The following CELF2 variants were observed in gnomAD, a reference collection of about 807,000 sequenced individuals.
CELF2 encodes the protein CUGBP Elav-like family member 2.
In CELF2, 8 loss-of-function variants were observed where a neutral mutation model predicts 62.6. The observed-to-expected ratio is 0.13, with a 90% CI of 0.07 to 0.23. CELF2 has a LOEUF of 0.23. Ranked by LOEUF, CELF2 falls within the 10% of genes least tolerant of loss-of-function variation. CELF2 has a pLI of 1.00. For synonymous variants in CELF2, 258 were observed against 250.0 expected (o/e 1.03, Z -0.30); for missense variants, 333 against 671.0 (o/e 0.50, Z 5.56).
At chr10:11,175,596 T>C (rs1269304247) in intron 2 of CELF2, among the ~76,000 whole-genome samples, 1 of 152,110 alleles carries the variant, frequency 6.6e-6, no homozygotes, top group Non-Finnish European at 1.5e-5. Flanking sequence ...AAGGAGATGG[T>C]GGGGCAGCTC....
intron 1 of CELF2, among the ~76,000 whole-genome samples, chr10:10,852,038 T>G (rs2059412574): frequency 6.6e-6 from 1 of 152,250 alleles, no homozygotes; most frequent in South Asian, 2.1e-4. Context: ...AAAACAGTTT[T>G]GTAGTTTCTT....
In CELF2 at chr10:11,328,818, G is replaced by A; in HGVS notation, c.1439-108G>A. 7 of 1,316,738 alleles carry A rather than the reference G, an allele frequency of 5.3e-6. No individual in the cohort carries two copies. The highest frequency in any genetic ancestry group is 2.1e-5 in the Admixed American group (1 of 47,732). 81.6% of individuals were successfully genotyped at this position (1,316,738 alleles called of 1,614,324 possible). ...CGCAGAGCTGTGCTGGGCCCGTGGG[G>A]CTGGCACCTCATGCTGGCTCTTCAG... On this transcript the variant is annotated intron_variant, in intron 12 of 12. Transcript: ENST00000633077. This position sits in a 1 kb window ranked among gnomAD's most constrained non-coding sequence, Gnocchi z 6.4.
At position 11,207,298 on chromosome 10, in the gene CELF2, T is replaced by TA. The variant is rs2060655087; in HGVS notation, c.272-10126dup. On this transcript the variant is annotated intron_variant, in intron 2 of 12. Transcript: ENST00000633077. The surrounding 1 kb of genome is among the most constrained non-coding windows in gnomAD (Gnocchi z 4.1). The stretch of plus-strand genomic sequence containing the variant: ...TCCTCGCAGAAAACAGGGAGCTTGC[T>TA]AGTCTTCACGGGGTCATGGAAATAA... 6.6e-6 allele frequency among the ~76,000 whole-genome samples: 1 copy of TA among 152,196 alleles called. No individual in the cohort carries two copies.
At position 11,217,633 on chromosome 10, in the gene CELF2, C is replaced by T. The variant is rs1314356650; in HGVS notation, c.354+126C>T. 7 of 588,060 alleles carry T rather than the reference C, an allele frequency of 1.2e-5. No homozygotes were observed. The highest frequency in any genetic ancestry group is 2.1e-5 in the Non-Finnish European group (7 of 338,352). 36.4% of individuals were successfully genotyped at this position (588,060 alleles called of 1,614,324 possible). ...TGGTCTTTTGAGGAGTGTGTGCTGACCCCCCAGTTCCCTGCAGCAGCCACA... is the reference window on the plus strand; with the variant it reads ...TGGTCTTTTGAGGAGTGTGTGCTGATCCCCCAGTTCCCTGCAGCAGCCACA... On this transcript the variant is annotated intron_variant, in intron 3 of 12. Coordinates refer to ENST00000633077, the MANE Select transcript of CELF2 (RefSeq NM_001326342.2). The surrounding 1 kb of genome is among the most constrained non-coding windows in gnomAD (Gnocchi z 5.6).
chr10:11,076,026 C>G (rs2183379), intron 1 of CELF2, among the ~76,000 whole-genome samples: 41,525 of 151,710 alleles, frequency 0.27, 6,303 homozygotes, highest in African/African-American at 0.39. Flanking sequence ...ATTAGTTTAA[C>G]TCTCTCTTGA....
At position 11,156,012 on chromosome 10, in the gene CELF2, G is replaced by A. The variant is rs2132918725; in HGVS notation, c.75-9474G>A. ...ATAATCAGCATTTAACAGAAAAGTA[G>A]GTGGAGTTCTGAATGCCGGGCAAGC... On this transcript the variant is annotated intron_variant, in intron 1 of 12. Transcript: ENST00000633077. The surrounding 1 kb of genome is among the most constrained non-coding windows in gnomAD (Gnocchi z 4.3). Among the ~76,000 whole-genome samples, 1 of 152,332 alleles carries A rather than the reference G, an allele frequency of 6.6e-6. No individual in the cohort carries two copies. Among genetic ancestry groups the A allele is most frequent in the South Asian group, 2.1e-4 (1 of 4,828 alleles).
the CELF2 span, among the ~76,000 whole-genome samples, chr10:10,678,695 A>G: frequency 3.9e-5 from 6 of 152,208 alleles, no homozygotes. Context: ...TGATCAATCC[A>G]TTAAAAACTG....
In CELF2 at chr10:11,301,035, G is replaced by A. The variant is rs138881312; in HGVS notation, c.976+12483G>A. ...TTAATATGAGAACATTAATGCATTT[G>A]TTCCTAGAAAGCAAGCCAGTTTCTG... On this transcript the variant is annotated intron_variant, in intron 9 of 12. Coordinates refer to ENST00000633077, the MANE Select transcript of CELF2 (RefSeq NM_001326342.2). Among the ~76,000 whole-genome samples, 9 of 152,282 alleles carry A rather than the reference G, an allele frequency of 5.9e-5. No individual in the cohort carries two copies. The East Asian group carries it at 1.5e-3, about 26-fold the overall frequency.
At chr10:10,669,817 G>A in the CELF2 span, among the ~76,000 whole-genome samples, 1 of 151,852 alleles carries the variant, frequency 6.6e-6, no homozygotes, top group East Asian at 1.9e-4. Flanking sequence ...TTCTTAAAGA[G>A]CTTACACACT....
chr10:10,623,691 CAT>C, the CELF2 span, among the ~76,000 whole-genome samples: 5 of 152,160 alleles, frequency 3.3e-5, no homozygotes, highest in African/African-American at 1.2e-4. Flanking sequence ...AGGGGGAAGA[CAT>C]ACTGAAATAA....
At chr10:10,696,800 T>C in the CELF2 span, among the ~76,000 whole-genome samples, 7 of 151,924 alleles carry the variant, frequency 4.6e-5, no homozygotes, top group African/African-American at 1.7e-4. Flanking sequence ...CTTTGACCCC[T>C]TGCGCTTCCC....
At chr10:10,987,253 ATCT>A (rs2052871295) in intron 2 of CELF2, among the ~76,000 whole-genome samples, 1 of 131,652 alleles carries the variant, frequency 7.6e-6, no homozygotes. Context: ...CTCTCTAGAG[ATCT>A]TTTTTTTTTT....
At chr10:10,912,107 G>A (rs1310908432) in intron 1 of CELF2, among the ~76,000 whole-genome samples, 1 of 152,172 alleles carries the variant, frequency 6.6e-6, no homozygotes, top group East Asian at 1.9e-4. Flanking sequence ...AGAAAGAAAT[G>A]CAGTAGTGCA....
chr10:11,291,258 C>T (rs561276350), intron 9 of CELF2, among the ~76,000 whole-genome samples: 1 of 152,216 alleles, frequency 6.6e-6, no homozygotes, highest in East Asian at 1.9e-4. Context: ...AATTCAATCC[C>T]CCAAACTGTT....
rs556475250 is a variant in CELF2, at chr10:10,971,828, C to A, written c.89+51829C>A. On this transcript the variant is annotated intron_variant, in intron 2 of 13. Coordinates refer to the CELF2 transcript ENST00000636488. The stretch of plus-strand genomic sequence containing the variant: ...TCTCGAGCTCCTGACCTCAGGTGAT[C>A]CACCCACCTCGATCTCCCAAAGTGC... 3.9e-5 allele frequency among the ~76,000 whole-genome samples: 6 copies of A among 152,280 alleles called. No individual in the cohort carries two copies. The South Asian group carries it at 1.2e-3, about 32-fold the overall frequency.
the CELF2 span, among the ~76,000 whole-genome samples, chr10:10,589,168 G>A: frequency 6.6e-6 from 1 of 152,118 alleles, no homozygotes; most frequent in Admixed American, 6.5e-5. Context: ...GGGGCTTCCA[G>A]GTCATAAGTA....
rs549220109 is a variant in CELF2 at position 11,321,259 on chromosome 10, G to T, written c.1167G>T (p.Thr389=). The T allele has an allele frequency of 6.2e-7, 1 of 1,613,906 alleles. No individual in the cohort carries two copies. Among genetic ancestry groups the T allele is most frequent in the Non-Finnish European group, 8.5e-7 (1 of 1,180,020 alleles). Residue 389 remains threonine, a synonymous_variant, in exon 11 of 13, where the codon ACG becomes ACT. Coordinates refer to ENST00000633077, the MANE Select transcript of CELF2 (RefSeq NM_001326342.2). This position sits in a 1 kb window ranked among gnomAD's most constrained non-coding sequence, Gnocchi z 6.2. ...GCGCCACAGGCTTGACGAATGGCACGGCTGGCACCATGGACGCCCTCACCC... is the reference window on the plus strand; with the variant it reads ...GCGCCACAGGCTTGACGAATGGCACTGCTGGCACCATGGACGCCCTCACCC... ...GLGATGLTNG[T]AGTMDALTQA... is the part of the protein sequence containing the mutation.
rs757295393 is a variant in CELF2, at chr10:11,287,747, TAAAAG to T, written c.842-670_842-666del. ...TCAATGGCAATAGCAATAACAAAAA[TAAAAG>T]GTGACATTCATTGAGCTCTTAACGT... On this transcript the variant is annotated intron_variant, in intron 8 of 12. Coordinates refer to ENST00000633077, the MANE Select transcript of CELF2 (RefSeq NM_001326342.2). Among the ~76,000 whole-genome samples the T allele has an allele frequency of 5.9e-5, 9 of 152,280 alleles. No individual in the cohort carries two copies. In the East Asian group the frequency reaches 1.5e-3, roughly 26 times the overall value.
intron 1 of CELF2, among the ~76,000 whole-genome samples, chr10:10,830,140 T>C (rs975948356): frequency 3.3e-5 from 5 of 152,156 alleles, no homozygotes; most frequent in Admixed American, 3.3e-4. Context: ...TGTATAAGAC[T>C]CCTCTTTTGA....
Sources: allele counts gnomAD v4.1 joint callset (sites outside exome capture counted in the v4.1 genomes callset), GRCh38; gene constraint gnomAD v4.1.1; non-coding constraint Gnocchi (gnomAD v3.1); transcripts MANE v1.5; gene names NCBI Gene and HGNC (gene_info 2026-07-23, HGNC 2026-07-21).